GAS2L2: variants seen among roughly 807,000 people sequenced by gnomAD.
GAS2L2 encodes the protein growth arrest specific 2 like 2.
GAS2L2 carries 21 observed loss-of-function variants against 35.2 expected under a neutral mutation model. The ratio of observed to expected loss-of-function variants is 0.60; its 90% CI spans 0.42 to 0.86. The LOEUF (loss-of-function observed/expected upper bound fraction) is 0.86. GAS2L2 is among the 40% of genes least tolerant of loss of function. The probability of loss-of-function intolerance (pLI) is 0.00; values close to 1 mark genes in which losing one functional copy is unlikely to be tolerated. For missense variants in GAS2L2, 1,169 were observed against 1,144.4 expected (o/e 1.02, Z -0.31); for synonymous variants, 490 against 473.2 (o/e 1.04, Z -0.46).
chr17:35,747,141 A>G lies in GAS2L2; in HGVS notation c.960T>C (p.Pro320=). Residue 320 remains proline, a synonymous_variant, in exon 5 of 6, where the codon CCT becomes CCC. Coordinates refer to ENST00000604641, the MANE Select transcript of GAS2L2 (RefSeq NM_139285.4). The stretch of plus-strand genomic sequence containing the variant: ...AAGAGGTATATGTCTTCCAGTCCAC[A>G]GGGGGTGGTGGGCTCTGTGAGCGGC... The part of the protein sequence containing the change: ...TISRSQSPPP[P]VDWKTYTSSD... 2 of 1,613,868 alleles carry G rather than the reference A, an allele frequency of 1.2e-6. No homozygotes were observed. Among genetic ancestry groups the G allele is most frequent in the South Asian group, 2.2e-5 (2 of 91,072 alleles).
In GAS2L2 at chr17:35,744,831, C is replaced by A; in HGVS notation, c.*23G>T. 1 of 1,531,080 alleles carries A rather than the reference C, an allele frequency of 6.5e-7. No individual in the cohort carries two copies. Among genetic ancestry groups the A allele is most frequent in the East Asian group, 2.4e-5 (1 of 41,374 alleles). The allele number at this position is 1,531,080 out of a possible 1,614,324, so 94.8% of individuals were successfully genotyped here. On this transcript the variant is annotated 3_prime_UTR_variant, in exon 6 of 6. Transcript: ENST00000604641. Reference sequence around the variant, plus strand: ...ACATGGCCATCCTTTTTGCTTCCCTCCTACCCAACACGCTCATGTGCCTCA... The same window carrying A: ...ACATGGCCATCCTTTTTGCTTCCCTACTACCCAACACGCTCATGTGCCTCA...
rs201972138 is a variant in GAS2L2 at position 35,752,867 on chromosome 17, G to A, written c.-17C>T. 58 of 1,571,184 alleles carry A rather than the reference G, an allele frequency of 3.7e-5. No homozygotes were observed. The highest frequency in any genetic ancestry group is 3.8e-4 in the Middle Eastern group (2 of 5,254). On this transcript the variant is annotated 5_prime_UTR_variant, in exon 1 of 6. Transcript: ENST00000604641. ...CTGGGACATGGCTGGACCCCAGCAG[G>A]GCAGGAGGTGGGCACCTCCCCTCTC...
At chr17:35,747,522 C>T (rs960343925) in intron 4 of GAS2L2, among the ~76,000 whole-genome samples, 15 of 152,086 alleles carry the variant, frequency 9.9e-5, no homozygotes, top group South Asian at 2.1e-4. Context: ...TGGCTGGAGG[C>T]GTTGATGGAG....
chr17:35,744,867 T>C lies in GAS2L2; in HGVS notation c.2630A>G (p.Glu877Gly), dbSNP rs2085653158. 1 of 1,587,850 alleles carries C rather than the reference T, an allele frequency of 6.3e-7. No individual in the cohort carries two copies. The highest frequency in any genetic ancestry group is 8.6e-7 in the Non-Finnish European group (1 of 1,166,458). Reference sequence around the variant, plus strand: ...CGCTCATGTGCCTCAGACCCAGGACTCCTCCTCAGGTGGAAGTGGAGCTTG... The same window carrying C: ...CGCTCATGTGCCTCAGACCCAGGACCCCTCCTCAGGTGGAAGTGGAGCTTG... ...LNQAPLPPEE[E>G]SWV Residue 877 changes from glutamate (E) to glycine (G), a missense_variant, in exon 6 of 6, where the codon GAG becomes GGG. Glu to Gly is a moderately conservative substitution (Grantham distance 98). This residue lies in a region of GAS2L2 where 1,035 missense variants were observed against 976.5 expected (regional missense o/e 1.06). Transcript: ENST00000604641.
In GAS2L2 at chr17:35,745,284, G is replaced by A. The variant is rs782080091; in HGVS notation, c.2213C>T (p.Ala738Val). ...GGGGTCCAAGGGCGAAGGTGTGGGG[G>A]CCTCCGGGCTGGCAGACACAGTAGA... ...SASTVSASPE[A>V]PTPSPLDPNS... is the part of the protein sequence containing the mutation. Residue 738 changes from alanine (A) to valine (V), a missense_variant, in exon 6 of 6, where the codon GCC becomes GTC. Coordinates refer to ENST00000604641, the MANE Select transcript of GAS2L2 (RefSeq NM_139285.4). 1.2e-6 allele frequency: 2 copies of A among 1,611,604 alleles called. No individual in the cohort carries two copies. The highest frequency in any genetic ancestry group is 1.7e-5 in the Admixed American group (1 of 59,828).
At position 35,745,303 on chromosome 17, in the gene GAS2L2, C is replaced by T; in HGVS notation, c.2194G>A (p.Val732Met). ...QGGQDCSAST[V>M]SASPEAPTPS... The stretch of plus-strand genomic sequence containing the variant: ...GTGGGGGCCTCCGGGCTGGCAGACA[C>T]AGTAGAAGCCGAGCAGTCCTGCCCT... The change falls in exon 6 of 6, where the codon GTG becomes ATG. Residue 732 changes from valine (V) to methionine (M), a missense_variant. By Grantham distance (21) the Val-to-Met change is conservative (BLOSUM62 1). Coordinates refer to ENST00000604641, the MANE Select transcript of GAS2L2 (RefSeq NM_139285.4). 1.2e-6 allele frequency: 2 copies of T among 1,612,174 alleles called. No homozygotes were observed. The highest frequency in any genetic ancestry group is 1.3e-5 in the African/African-American group (1 of 75,022).
chr17:35,747,460 T>C (rs1258527540), intron 4 of GAS2L2, among the ~76,000 whole-genome samples, 192 bp from the exon 5 acceptor site: 1 of 152,152 alleles, frequency 6.6e-6, no homozygotes. Context: ...TTTAAAGCTA[T>C]GTTTTTAGTG....
At position 35,747,920 on chromosome 17, in the gene GAS2L2, C is replaced by T. The variant is rs782386293; in HGVS notation, c.761G>A (p.Arg254His). The T allele has an allele frequency of 5.6e-6, 9 of 1,613,948 alleles. No individual in the cohort carries two copies. The highest frequency in any genetic ancestry group is 1.3e-5 in the African/African-American group (1 of 75,052). Residue 254 changes from arginine to histidine, a missense_variant, in exon 4 of 6, where the codon CGT becomes CAT. By Grantham distance (29) the Arg-to-His change is conservative (BLOSUM62 0). Transcript: ENST00000604641. ...CAGTGTGTCCCAGCCGCCCCCTACACGTACCATCACATGGTTCCGGAGGAT... is the reference window on the plus strand; with the variant it reads ...CAGTGTGTCCCAGCCGCCCCCTACATGTACCATCACATGGTTCCGGAGGAT... ...IRILRNHVMV[R>H]VGGGWDTLGH...
At position 35,745,089 on chromosome 17, in the gene GAS2L2, A is replaced by G; in HGVS notation, c.2408T>C (p.Phe803Ser). The G allele has an allele frequency of 6.2e-7, 1 of 1,613,734 alleles. No homozygotes were observed. The highest frequency in any genetic ancestry group is 8.5e-7 in the Non-Finnish European group (1 of 1,179,888). Residue 803 changes from phenylalanine to serine, a missense_variant, in exon 6 of 6, where the codon TTC becomes TCC. By Grantham distance (155) the Phe-to-Ser change is radical. Around this residue, in one of 3 missense-constraint regions of GAS2L2, gnomAD observed 1,035 missense variants for 976.5 expected, o/e 1.06. Transcript: ENST00000604641. ...SRIPRPLAYV[F>S]LGPARQPPKD... is the part of the protein sequence containing the mutation. ...GGGGGGCTGCCTGGCTGGACCCAGG[A>G]AGACATAGGCCAGTGGCCTGGGGAT...
In GAS2L2 at chr17:35,745,912, T is replaced by C; in HGVS notation, c.1585A>G (p.Thr529Ala). The C allele has an allele frequency of 6.2e-7, 1 of 1,612,386 alleles. No individual in the cohort carries two copies. The highest frequency in any genetic ancestry group is 8.5e-7 in the Non-Finnish European group (1 of 1,179,390). Residue 529 changes from threonine (T) to alanine (A), a missense_variant, in exon 6 of 6, where the codon ACA (threonine) becomes GCA (alanine). Coordinates refer to ENST00000604641, the MANE Select transcript of GAS2L2 (RefSeq NM_139285.4). Reference sequence around the variant, plus strand: ...GGGATGGGGTCTCTCCCAAGTTCTGTCCTGGGACTTCCACTTGTAGCACCA... The same window carrying C: ...GGGATGGGGTCTCTCCCAAGTTCTGCCCTGGGACTTCCACTTGTAGCACCA... Reference protein sequence around the residue: ...FPGATSGSPRTELGRDPIPLR... With the variant: ...FPGATSGSPRAELGRDPIPLR...
chr17:35,745,723 A>G lies in GAS2L2; in HGVS notation c.1774T>C (p.Leu592=), dbSNP rs910803365. ...EQEGRYTPLP[L]GGNKEQAIYC... ...ATGGCTTGCTCCTTGTTCCCGCCCA[A>G]GGGCAGAGGTGTGTACCGCCCCTCC... Residue 592 remains leucine, a synonymous_variant, in exon 6 of 6, where the codon TTG becomes CTG. Transcript: ENST00000604641. 3 of 1,613,760 alleles carry G rather than the reference A, an allele frequency of 1.9e-6. No individual in the cohort carries two copies. The highest frequency in any genetic ancestry group is 2.7e-5 in the African/African-American group (2 of 74,928).
At position 35,745,794 on chromosome 17, in the gene GAS2L2, A is replaced by T. The variant is rs181962321; in HGVS notation, c.1703T>A (p.Val568Asp). The change falls in exon 6 of 6, where the codon GTC becomes GAC. Residue 568 changes from valine to aspartate, a missense_variant. Around this residue, in one of 3 missense-constraint regions of GAS2L2, gnomAD observed 1,035 missense variants for 976.5 expected, o/e 1.06. Coordinates refer to ENST00000604641, the MANE Select transcript of GAS2L2 (RefSeq NM_139285.4). The stretch of plus-strand genomic sequence containing the variant: ...CCAGGACTCTCTGGCCTCTGCCATG[A>T]CCTGGATGTCCAGCTGCTGGTCCTC... ...RQEDQQLDIQ[V>D]MAEARESWDL... The T allele has an allele frequency of 1.3e-5, 21 of 1,613,774 alleles. No homozygotes were observed. The East Asian group carries it at 3.8e-4, about 29-fold the overall frequency.
At position 35,750,143 on chromosome 17, in the gene GAS2L2, C is replaced by T. The variant is rs782106683; in HGVS notation, c.561G>A (p.Pro187=). 1.3e-5 allele frequency: 21 copies of T among 1,587,784 alleles called. No homozygotes were observed. The highest frequency in any genetic ancestry group is 4.5e-5 in the East Asian group (2 of 44,098). The change falls in exon 2 of 6, where the codon CCG becomes CCA. Residue 187 remains proline, a synonymous_variant. Transcript: ENST00000604641. ...GGGGCGCTGGCGGCGAGGGGTCGGG[C>T]GGGGGCAGGGCCAGCTCCCGCCGCA... The part of the protein sequence containing the change: ...EEVRRELALP[P]PDPSPPAPPR...
At position 35,746,009 on chromosome 17, in the gene GAS2L2, AG is replaced by A; in HGVS notation, c.1487del (p.Pro496LeufsTer5). On this transcript the variant is annotated frameshift_variant, in exon 6 of 6. Coordinates refer to ENST00000604641, the MANE Select transcript of GAS2L2 (RefSeq NM_139285.4). LOFTEE classifies it low-confidence loss of function (END_TRUNC). ...REPESVRSPT[P>X]VQGLTKIPIR... ...TGGGGATCTTGGTTAGGCCTTGGAC[AG>A]GGGTTGGAGAACGGACAGACTCTGG... The A allele has an allele frequency of 6.4e-7, 1 of 1,569,118 alleles. No individual in the cohort carries two copies. The highest frequency in any genetic ancestry group is 8.7e-7 in the Non-Finnish European group (1 of 1,155,280).
intron 5 of GAS2L2, among the ~76,000 whole-genome samples, chr17:35,746,613 T>C (rs1555599024): frequency 1.3e-5 from 2 of 152,192 alleles, no homozygotes; most frequent in Non-Finnish European, 2.9e-5. Context: ...TGCCTAAGTC[T>C]ATTCGCCCTT....
In GAS2L2 at chr17:35,745,076, G is replaced by A. The variant is rs781985744; in HGVS notation, c.2421C>T (p.Ala807=). ...RPLAYVFLGP[A]RQPPKDRLLR... ...ACAGCCTGTCCTTGGGGGGCTGCCTGGCTGGACCCAGGAAGACATAGGCCA... is the reference window on the plus strand; with the variant it reads ...ACAGCCTGTCCTTGGGGGGCTGCCTAGCTGGACCCAGGAAGACATAGGCCA... Residue 807 remains alanine, a synonymous_variant, in exon 6 of 6, where the codon GCC becomes GCT. Transcript: ENST00000604641. 1.2e-6 allele frequency: 2 copies of A among 1,613,614 alleles called. No homozygotes were observed. Among genetic ancestry groups the A allele is most frequent in the African/African-American group, 2.7e-5 (2 of 74,930 alleles).
rs1022564570 is a variant in GAS2L2 at position 35,753,176 on chromosome 17, G to C, written c.-326C>G. Among the ~76,000 whole-genome samples the C allele has an allele frequency of 3.9e-5, 6 of 152,178 alleles. No homozygotes were observed. Among genetic ancestry groups the C allele is most frequent in the African/African-American group, 1.4e-4 (6 of 41,434 alleles). On this transcript the variant is annotated 5_prime_UTR_variant, in exon 1 of 6. Transcript: ENST00000604641. ...GTGAGGACACTCCTCTCTTTCCCCA[G>C]AGCTGGAGAGATCAAGCTGGCTGCC...
chr17:35,749,989 G>A (rs2085692596), intron 2 of GAS2L2, 88 bp downstream of exon 2: 1 of 1,212,848 alleles, frequency 8.2e-7, no homozygotes, highest in Non-Finnish European at 1.2e-6. Context: ...AGAAGGGGGT[G>A]GGTTAGTGGG....
chr17:35,749,887 A>C (rs1245487010), intron 2 of GAS2L2, among the ~76,000 whole-genome samples, 190 bp downstream of exon 2: 1 of 152,124 alleles, frequency 6.6e-6, no homozygotes, highest in Non-Finnish European at 1.5e-5. Context: ...CATGGCCATT[A>C]ATTACTACGC....
Sources: allele counts gnomAD v4.1 joint callset (sites outside exome capture counted in the v4.1 genomes callset), GRCh38; gene constraint gnomAD v4.1.1; regional missense constraint gnomAD v4.1.1; transcripts MANE v1.5; gene names NCBI Gene and HGNC (gene_info 2026-07-23, HGNC 2026-07-21).